KCNMB3: variants seen among roughly 807,000 people sequenced by gnomAD.
KCNMB3 encodes the protein potassium calcium-activated channel subfamily M regulatory beta subunit 3.
In KCNMB3, 18 loss-of-function variants were observed where a neutral mutation model predicts 11.9. That is an observed-to-expected ratio of 1.51 (90% CI 1.04 to 2.23). The LOEUF is 2.23. Among genes scored for constraint, KCNMB3 ranks in the 30% most tolerant of loss-of-function variants. The pLI, the probability that KCNMB3 is intolerant of heterozygous loss-of-function variation, is 0.00. For missense variants in KCNMB3, 247 were observed against 329.4 expected (o/e 0.75, Z 1.94); for synonymous variants, 78 against 119.2 (o/e 0.65, Z 2.25).
downstream of KCNMB3, chr3:179,241,392 C>T (rs141960980): frequency 1.3e-5 from 2 of 154,424 alleles, no homozygotes; most frequent in African/African-American, 4.8e-5. Context: ...CCATTGCACA[C>T]TAGAAAGGAA....
downstream of KCNMB3, chr3:179,241,563 C>T (rs1048829955): frequency 3.3e-5 from 5 of 153,180 alleles, no homozygotes; most frequent in Non-Finnish European, 5.9e-5. Flanking sequence ...TGTCTCATTC[C>T]ACTGTCCATA....
intron 1 of KCNMB3, among the ~76,000 whole-genome samples, chr3:179,262,823 A>T (rs1726262747): frequency 6.6e-6 from 1 of 152,212 alleles, no homozygotes; most frequent in African/African-American, 2.4e-5. Flanking sequence ...AGCTAGATAC[A>T]GTGTCGATTG....
chr3:179,243,210 G>A lies in KCNMB3; in HGVS notation c.522C>T (p.Phe174=), dbSNP rs752679320. Residue 174 remains phenylalanine (F), a synonymous_variant, in exon 3 of 3, where the codon TTC becomes TTT. Transcript: ENST00000392685. The stretch of plus-strand genomic sequence containing the variant: ...AAAAGGGGGTTCCATTTTTGTGATC[G>A]AAGAATTCTTTTATGTCCAGAGCAC... ...LNSALDIKEF[F]DHKNGTPFSC... 30 of 1,384,548 alleles carry A rather than the reference G, an allele frequency of 2.2e-5. No individual in the cohort carries two copies. In the Middle Eastern group the frequency reaches 5.4e-4, roughly 25 times the overall value. 85.8% of individuals were successfully genotyped at this position (1,384,548 alleles called of 1,614,324 possible).
rs1000589543 is a variant in KCNMB3 at position 179,250,611 on chromosome 3, T to C, written c.248+132A>G. 9 of 931,304 alleles carry C rather than the reference T, an allele frequency of 9.7e-6. No homozygotes were observed. The African/African-American group carries it at 9.9e-5, about 10-fold the overall frequency. 57.7% of individuals were successfully genotyped at this position (931,304 alleles called of 1,614,324 possible). ...CCAGCACTGACAGCGGAAGAGGAAT[T>C]GTATTTTTCTTTTTCTAGACCATGG... On this transcript the variant is annotated intron_variant, in intron 1 of 2. Transcript: ENST00000392685.
upstream of KCNMB3, among the ~76,000 whole-genome samples, chr3:179,254,185 G>A (rs1407551383): frequency 6.6e-6 from 1 of 152,126 alleles, no homozygotes; most frequent in East Asian, 1.9e-4. Flanking sequence ...GGACCCCAAA[G>A]GACTTAAAAG....
At chr3:179,256,449 G>T (rs1477429899), upstream of KCNMB3, among the ~76,000 whole-genome samples, 2 of 151,506 alleles carry the variant, frequency 1.3e-5, no homozygotes, top group Non-Finnish European at 2.9e-5. Flanking sequence ...GAAAAAAAAA[G>T]ATATTAATTC....
intron 1 of KCNMB3, chr3:179,259,382 GC>G (rs1726127930): frequency 6.3e-7 from 1 of 1,580,110 alleles, no homozygotes; most frequent in Admixed American, 1.8e-5. Flanking sequence ...CAGCCCTCGG[GC>G]CTGATGATTG....
intron 1 of KCNMB3, chr3:179,260,242 T>C (rs926872820): frequency 6.2e-7 from 1 of 1,613,814 alleles, no homozygotes; most frequent in African/African-American, 1.3e-5. Context: ...GGAGTTCTGG[T>C]CCTGTCATCT....
intron 1 of KCNMB3, chr3:179,259,751 T>C (rs1166739085): frequency 1.9e-6 from 3 of 1,599,558 alleles, no homozygotes; most frequent in Non-Finnish European, 1.7e-6. Flanking sequence ...TCTTCTGCAA[T>C]GAGTCCAATG....
At chr3:179,248,825 G>A (rs940641203) in intron 1 of KCNMB3, among the ~76,000 whole-genome samples, 2 of 151,116 alleles carry the variant, frequency 1.3e-5, no homozygotes, top group African/African-American at 2.4e-5. Flanking sequence ...ATGTTTATAT[G>A]TATTATATAC....
chr3:179,250,642 A>T (rs1025098287), intron 1 of KCNMB3, 101 bp downstream of exon 1: 235 of 1,143,420 alleles, frequency 2.1e-4, no homozygotes, highest in Non-Finnish European at 3.2e-5. Context: ...CATGGCAGAG[A>T]GTCACAGATT....
intron 1 of KCNMB3, among the ~76,000 whole-genome samples, chr3:179,246,046 G>A (rs1330143720): frequency 2.0e-5 from 3 of 152,174 alleles, no homozygotes; most frequent in Non-Finnish European, 2.9e-5. Context: ...TCACATATAG[G>A]TGGACTCCTG....
At chr3:179,254,836 T>C (rs1725960466), upstream of KCNMB3, among the ~76,000 whole-genome samples, 2 of 151,898 alleles carry the variant, frequency 1.3e-5, no homozygotes, top group African/African-American at 4.8e-5. Context: ...CGTATATAAA[T>C]GTCCAAGGAG....
intron 1 of KCNMB3, among the ~76,000 whole-genome samples, chr3:179,262,319 C>G (rs7619599): frequency 0.095 from 14,456 of 152,178 alleles, 925 homozygotes; most frequent in African/African-American, 0.18. Context: ...TTGGTCTCAC[C>G]GACTTCAAGA....
intron 1 of KCNMB3, among the ~76,000 whole-genome samples, chr3:179,249,426 C>T (rs527770515): frequency 6.6e-6 from 1 of 151,704 alleles, no homozygotes; most frequent in African/African-American, 2.4e-5. Flanking sequence ...TTTGGGAGGC[C>T]AAGGCGGGCA....
At chr3:179,244,120 AAAT>A (rs1315925106) in intron 2 of KCNMB3, among the ~76,000 whole-genome samples, 1 of 152,220 alleles carries the variant, frequency 6.6e-6, no homozygotes, top group Non-Finnish European at 1.5e-5. Flanking sequence ...ACTAAAATAA[AAAT>A]AATCTTTACA....
At chr3:179,262,494 C>T (rs373935748) in intron 1 of KCNMB3, among the ~76,000 whole-genome samples, 3 of 152,184 alleles carry the variant, frequency 2.0e-5, no homozygotes, top group East Asian at 1.9e-4. Context: ...ACCCAAAGAA[C>T]GAGCAGTACC....
intron 1 of KCNMB3, among the ~76,000 whole-genome samples, chr3:179,258,071 A>C (rs1278575477): frequency 6.6e-6 from 1 of 152,104 alleles, no homozygotes; most frequent in Non-Finnish European, 1.5e-5. Flanking sequence ...TTTTTCGTAG[A>C]GACAGGGTTT....
intron 1 of KCNMB3, among the ~76,000 whole-genome samples, chr3:179,249,127 C>T (rs1388174527): frequency 6.6e-6 from 1 of 150,934 alleles, no homozygotes; most frequent in Non-Finnish European, 1.5e-5. Flanking sequence ...ATTCTCCTGC[C>T]TCAGCCTCCT....
Sources: gnomAD v4.1 joint callset for allele counts (sites outside exome capture counted in the v4.1 genomes callset) on GRCh38, gnomAD v4.1.1 for gene constraint, MANE v1.5 for transcripts, NCBI Gene and HGNC (gene_info 2026-07-23, HGNC 2026-07-21) for gene names.